Variants in TAF2 observed in about 807,000 individuals in gnomAD.
TAF2 encodes the protein transcription initiation factor TFIID subunit 2.
In TAF2, 61 loss-of-function variants were observed where a neutral mutation model predicts 138.5. The observed-to-expected ratio is 0.44, with a 90% CI of 0.36 to 0.54. The LOEUF is 0.54. TAF2 is among the 20% of genes least tolerant of loss of function. The probability of loss-of-function intolerance (pLI) is 0.00; values close to 1 mark genes in which losing one functional copy is unlikely to be tolerated. For missense variants in TAF2, 1,090 were observed against 1,427.9 expected, an observed-to-expected ratio of 0.76 and a Z score of 3.81; for synonymous variants, 475 against 469.9, an observed-to-expected ratio of 1.01 and a Z score of -0.14.
At chr8:119,813,010 C>T (rs1825204991) in intron 3 of TAF2, among the ~76,000 whole-genome samples, 1 of 152,160 alleles carries the variant, frequency 6.6e-6, no homozygotes, top group South Asian at 2.1e-4. Flanking sequence ...CTTGAACTCT[C>T]CATACTGTTT....
intron 3 of TAF2, among the ~76,000 whole-genome samples, chr8:119,812,284 T>C (rs1825123275): frequency 6.6e-6 from 1 of 152,108 alleles, no homozygotes; most frequent in Non-Finnish European, 1.5e-5. Context: ...AAGGCATTAA[T>C]AGATAGCTCA....
In TAF2 at chr8:119,742,557, A is replaced by C. The variant is rs752574953; in HGVS notation, c.3314T>G (p.Leu1105Trp). The change falls in exon 25 of 26, where the codon TTG (leucine) becomes TGG (tryptophan). Residue 1105 changes from leucine to tryptophan, a missense_variant. Leu to Trp is a moderately conservative substitution (Grantham distance 61). This residue lies in a region of TAF2 where 580 missense variants were observed against 719.6 expected (regional missense o/e 0.81). Transcript: ENST00000378164. Reference protein sequence around the residue: ...STPTTKPQWSLELARKGTGKE... With the variant: ...STPTTKPQWSWELARKGTGKE... ...ACCTGTTCCCTTCCGTGCAAGTTCCAAACTCCACTGGGGTTTTGTGGTGGG... is the reference window on the plus strand; with the variant it reads ...ACCTGTTCCCTTCCGTGCAAGTTCCCAACTCCACTGGGGTTTTGTGGTGGG... 1 of 1,614,016 alleles carries C rather than the reference A, an allele frequency of 6.2e-7. No homozygotes were observed. The highest frequency in any genetic ancestry group is 8.5e-7 in the Non-Finnish European group (1 of 1,179,968).
At position 119,778,472 on chromosome 8, in the gene TAF2, C is replaced by T. The variant is rs867769747; in HGVS notation, c.2254-343G>A. On this transcript the variant is annotated intron_variant, in intron 17 of 25. Transcript: ENST00000378164. The stretch of plus-strand genomic sequence containing the variant: ...GGAAAAGGCACAGATTTTAGAATTA[C>T]TTCTGTGTGATACAGTGGAAAAGGT... Among the ~76,000 whole-genome samples, 16 of 152,318 alleles carry T rather than the reference C, an allele frequency of 1.1e-4. No individual in the cohort carries two copies. The South Asian group carries it at 1.7e-3, about 16-fold the overall frequency.
chr8:119,815,640 A>AG (rs2131246468), intron 3 of TAF2, among the ~76,000 whole-genome samples: 1 of 152,256 alleles, frequency 6.6e-6, no homozygotes, highest in Admixed American at 6.5e-5. Flanking sequence ...CAAAACAAAG[A>AG]GGAAAAAAAG....
intron 18 of TAF2, among the ~76,000 whole-genome samples, chr8:119,768,522 G>T (rs1173228672): frequency 6.6e-6 from 1 of 152,128 alleles, no homozygotes; most frequent in Non-Finnish European, 1.5e-5. Flanking sequence ...GGTCTGAGAA[G>T]ATACTTGATA....
intron 10 of TAF2, among the ~76,000 whole-genome samples, chr8:119,792,594 A>G (rs1823517323): frequency 6.6e-6 from 1 of 152,100 alleles, no homozygotes; most frequent in South Asian, 2.1e-4. Context: ...GAGTGGTGCT[A>G]TAGTTTGTTT....
rs1819523883 is a variant in TAF2, at chr8:119,740,492, A to AAG, written c.3337+2041_3337+2042insCT. On this transcript the variant is annotated intron_variant, in intron 25 of 25. Coordinates refer to ENST00000378164, the MANE Select transcript of TAF2 (RefSeq NM_003184.4). The stretch of plus-strand genomic sequence containing the variant: ...AATATGGTGAAATCCTGTCTCTACT[A>AAG]AAAAAAAAAAAAAAAAAAAAAAATT... 5.4e-4 allele frequency among the ~76,000 whole-genome samples: 29 copies of AAG among 54,026 alleles called. No individual in the cohort carries two copies. In the South Asian group the frequency reaches 0.012, roughly 23 times the overall value. The allele number at this position is 54,026 out of a possible 152,430, so 35.4% of individuals were successfully genotyped here.
chr8:119,831,093 C>T (rs950247556), intron 2 of TAF2, among the ~76,000 whole-genome samples: 8 of 152,050 alleles, frequency 5.3e-5, no homozygotes, highest in Non-Finnish European at 1.0e-4. Context: ...AGTGACAGAG[C>T]GAGACTCTGT....
At chr8:119,787,409 C>T (rs1465563554) in intron 14 of TAF2, among the ~76,000 whole-genome samples, 7 of 150,478 alleles carry the variant, frequency 4.7e-5, no homozygotes, top group Non-Finnish European at 1.0e-4. Context: ...AAAACCCAAC[C>T]CCATCAAAAA....
In TAF2 at chr8:119,746,921, G is replaced by A. The variant is rs745814124; in HGVS notation, c.2892C>T (p.Asp964=). The A allele has an allele frequency of 1.1e-5, 18 of 1,613,954 alleles. No individual in the cohort carries two copies. The highest frequency in any genetic ancestry group is 1.5e-5 in the Non-Finnish European group (18 of 1,180,002). The change falls in exon 23 of 26, where the codon GAC becomes GAT. Residue 964 remains aspartate (D), a synonymous_variant. Coordinates refer to ENST00000378164, the MANE Select transcript of TAF2 (RefSeq NM_003184.4). ...CCACAGCACCACACCGTAACCTCCA[G>A]TCATGTGAAGTACCTAAAAAGTAAG... The part of the protein sequence containing the change: ...WKLMNSGTSH[D]WRLRCGAVDL...
At chr8:119,811,206 T>A (rs1256195805) in intron 3 of TAF2, among the ~76,000 whole-genome samples, 2 of 152,154 alleles carry the variant, frequency 1.3e-5, no homozygotes, top group African/African-American at 2.4e-5. Flanking sequence ...ATTAAGGGAA[T>A]AGATATAATT....
intron 2 of TAF2, among the ~76,000 whole-genome samples, chr8:119,820,665 GTT>G (rs1200174602): frequency 2.0e-5 from 3 of 152,160 alleles, no homozygotes; most frequent in Non-Finnish European, 2.9e-5. Context: ...GGGTACAAGG[GTT>G]TTAAATGATA....
chr8:119,761,491 T>G (rs1821059534), intron 19 of TAF2: 1 of 152,182 alleles, frequency 6.6e-6, no homozygotes, highest in African/African-American at 2.4e-5. Context: ...AATTAATATC[T>G]AAAGTCTGTT....
intron 2 of TAF2, among the ~76,000 whole-genome samples, chr8:119,826,883 G>C (rs1027684635): frequency 2.0e-5 from 3 of 151,536 alleles, no homozygotes; most frequent in Non-Finnish European, 2.9e-5. Flanking sequence ...ACCACACCCA[G>C]CCTCCTCCTT....
At chr8:119,759,966 A>G (rs1045872073) in intron 20 of TAF2, among the ~76,000 whole-genome samples, 4 of 151,956 alleles carry the variant, frequency 2.6e-5, no homozygotes, top group African/African-American at 9.7e-5. Flanking sequence ...AAACTCACAC[A>G]TTTTCCCTTA....
At position 119,791,332 on chromosome 8, in the gene TAF2, T is replaced by C. The variant is rs1823413183; in HGVS notation, c.1405A>G (p.Met469Val). The part of the protein sequence containing the change: ...LIENRISMEF[M>V]LQVFNKLLSL... ...TTAACTTTAATACTTACTTGTAGCATAAATTCCATACTGATCCTATTTTCA... is the reference window on the plus strand; with the variant it reads ...TTAACTTTAATACTTACTTGTAGCACAAATTCCATACTGATCCTATTTTCA... Residue 469 changes from methionine to valine, a missense_variant, in exon 11 of 26, where the codon ATG (methionine) becomes GTG (valine). Physicochemically the swap from Met to Val is conservative, Grantham distance 21. Around this residue, in one of 3 missense-constraint regions of TAF2, gnomAD observed 504 missense variants for 680.9 expected, o/e 0.74. Coordinates refer to ENST00000378164, the MANE Select transcript of TAF2 (RefSeq NM_003184.4). 6.2e-7 allele frequency: 1 copy of C among 1,613,568 alleles called. No homozygotes were observed. Among genetic ancestry groups the C allele is most frequent in the Non-Finnish European group, 8.5e-7 (1 of 1,179,742 alleles).
intron 3 of TAF2, among the ~76,000 whole-genome samples, chr8:119,818,601 G>T (rs571599087): frequency 6.6e-6 from 1 of 152,062 alleles, no homozygotes; most frequent in South Asian, 2.1e-4. Flanking sequence ...AAAAAAATTT[G>T]TATGTGACAA....
chr8:119,806,850 T>C (rs72690103), intron 3 of TAF2, among the ~76,000 whole-genome samples: 111 of 152,328 alleles, frequency 7.3e-4, no homozygotes, highest in South Asian at 2.3e-3. Context: ...GAACACTCTT[T>C]AGCCAAGTAA....
rs1288695761 is a variant in TAF2, at chr8:119,742,582, G to A, written c.3289C>T (p.Pro1097Ser). Residue 1097 changes from proline (P) to serine (S), a missense_variant, in exon 25 of 26, where the codon CCC (proline) becomes TCC (serine). Transcript: ENST00000378164. ...AAACTCCACTGGGGTTTTGTGGTGG[G>A]TGTGCTGTCACAGCCTGCTGAGTGC... ...PQHSAGCDST[P>S]TTKPQWSLEL... The A allele has an allele frequency of 1.9e-6, 3 of 1,613,834 alleles. No homozygotes were observed. Among genetic ancestry groups the A allele is most frequent in the East Asian group, 2.2e-5 (1 of 44,890 alleles).
Sources: allele counts gnomAD v4.1 joint callset (sites outside exome capture counted in the v4.1 genomes callset), GRCh38; gene constraint gnomAD v4.1.1; regional missense constraint gnomAD v4.1.1; transcripts MANE v1.5; gene names NCBI Gene and HGNC (gene_info 2026-07-23, HGNC 2026-07-21).